The following SLC16A7 variants were observed in gnomAD, a reference collection of about 807,000 sequenced individuals.
The protein encoded by SLC16A7 is monocarboxylate transporter 2.
In SLC16A7, 33 loss-of-function variants were observed where a neutral mutation model predicts 34.9. The observed-to-expected ratio is 0.94, with a 90% CI of 0.72 to 1.26. The LOEUF (loss-of-function observed/expected upper bound fraction) is 1.26, where lower values mean the gene tolerates loss of function less well. SLC16A7 is among the 50% of genes most tolerant of loss of function. SLC16A7 has a pLI of 0.00. For synonymous variants in SLC16A7, 201 were observed against 206.6 expected, an observed-to-expected ratio of 0.97 and a Z score of 0.23; for missense variants, 573 against 578.1, an observed-to-expected ratio of 0.99 and a Z score of 0.09.
intron 3 of SLC16A7, among the ~76,000 whole-genome samples, chr12:59,758,637 A>T (rs949098955): frequency 6.6e-6 from 1 of 152,164 alleles, no homozygotes; most frequent in Non-Finnish European, 1.5e-5. Context: ...TTACCAGTTT[A>T]TATGTACATA....
intron 2 of SLC16A7, among the ~76,000 whole-genome samples, chr12:59,669,557 C>T (rs1046363383): frequency 6.6e-6 from 1 of 151,906 alleles, no homozygotes; most frequent in African/African-American, 2.4e-5. Flanking sequence ...ATTTAACCAT[C>T]AGAAAGTTTG....
rs3763979 is a variant in SLC16A7 at position 59,779,625 on chromosome 12, C to A, written c.1383C>A (p.Asn461Lys). The change falls in exon 6 of 6, where the codon AAC becomes AAA. Residue 461 changes from asparagine to lysine, a missense_variant. Asn to Lys is a moderately conservative substitution (Grantham distance 94). Coordinates refer to ENST00000547379, the MANE Select transcript of SLC16A7 (RefSeq NM_001270623.2). The part of the protein sequence containing the change: ...LSKSKHSEDV[N>K]VKVSNAQSVT... ...AATCTAAACATTCGGAAGATGTTAA[C>A]GTCAAAGTTTCAAATGCACAGAGTG... The A allele has an allele frequency of 2.2e-5, 35 of 1,610,680 alleles. No individual in the cohort carries two copies. In the African/African-American group the frequency reaches 3.7e-4, roughly 17 times the overall value.
At position 59,786,072 on chromosome 12, in the gene SLC16A7, T is replaced by C. The variant is rs1883599057; in HGVS notation, c.*6393T>C. 2.7e-5 allele frequency: 4 copies of C among 149,636 alleles called. No individual in the cohort carries two copies. Among genetic ancestry groups the C allele is most frequent in the Middle Eastern group, 3.4e-3 (1 of 294 alleles). 9.3% of individuals were successfully genotyped at this position (149,636 alleles called of 1,614,324 possible). ...AGGGGGGAGGGATAGCATTGGGAGATATACCTAATGCTAGGTGACGAGTTA... is the reference window on the plus strand; with the variant it reads ...AGGGGGGAGGGATAGCATTGGGAGACATACCTAATGCTAGGTGACGAGTTA... On this transcript the variant is annotated 3_prime_UTR_variant, in exon 6 of 6. Transcript: ENST00000547379.
chr12:59,636,002 TA>T (rs5798503), intron 1 of SLC16A7, among the ~76,000 whole-genome samples: 79,328 of 144,188 alleles, frequency 0.55, 22,206 homozygotes, highest in Admixed American at 0.65. Flanking sequence ...TGCACTTCTG[TA>T]AAAAAAAAAA....
intron 3 of SLC16A7, among the ~76,000 whole-genome samples, chr12:59,730,678 T>G (rs901480505): frequency 4.6e-5 from 7 of 152,188 alleles, no homozygotes; most frequent in Non-Finnish European, 2.9e-5. Context: ...TTTTTCTTTT[T>G]ATTTTCCTAG....
intron 3 of SLC16A7, among the ~76,000 whole-genome samples, chr12:59,737,655 C>A (rs559436695): frequency 6.6e-6 from 1 of 152,102 alleles, no homozygotes; most frequent in East Asian, 1.9e-4. Flanking sequence ...TTTGAAAAGA[C>A]TGGACTTTTG....
chr12:59,760,561 G>C (rs1880902189), intron 3 of SLC16A7, among the ~76,000 whole-genome samples: 1 of 152,064 alleles, frequency 6.6e-6, no homozygotes, highest in South Asian at 2.1e-4. Context: ...ATATACTTTA[G>C]TAAAAGTTAC....
At chr12:59,597,081 C>G (rs188648729) in intron 1 of SLC16A7, 11 of 152,410 alleles carry the variant, frequency 7.2e-5, no homozygotes, top group African/African-American at 1.4e-4. Flanking sequence ...ATCGCGGCGC[C>G]CTTCTCCACC....
chr12:59,686,517 C>T (rs1273982173), intron 2 of SLC16A7, among the ~76,000 whole-genome samples: 2 of 152,074 alleles, frequency 1.3e-5, no homozygotes, highest in African/African-American at 4.8e-5. Flanking sequence ...ATCACTTGGT[C>T]ATTTTACATT....
chr12:59,693,863 GA>G lies in SLC16A7; in HGVS notation c.-30-10901del, dbSNP rs1009244181. On this transcript the variant is annotated intron_variant, in intron 2 of 5. Transcript: ENST00000547379. Reference sequence around the variant, plus strand: ...TGGAATCAGCAACAAAAGCCCTAATGAAAAAAAATACTAGTTGTGGTAGCAA... The same window carrying G: ...TGGAATCAGCAACAAAAGCCCTAATGAAAAAAATACTAGTTGTGGTAGCAA... Among the ~76,000 whole-genome samples, 15 of 151,362 alleles carry G rather than the reference GA, an allele frequency of 9.9e-5. No individual in the cohort carries two copies. The East Asian group carries it at 2.3e-3, about 24-fold the overall frequency.
chr12:59,612,812 T>A (rs1879261088), intron 1 of SLC16A7, among the ~76,000 whole-genome samples: 1 of 152,206 alleles, frequency 6.6e-6, no homozygotes, highest in South Asian at 2.1e-4. Context: ...AAAAAGTTCC[T>A]CATCTCCATC....
chr12:59,766,006 C>A (rs1420407559), intron 3 of SLC16A7, among the ~76,000 whole-genome samples: 1 of 152,092 alleles, frequency 6.6e-6, no homozygotes, highest in Non-Finnish European at 1.5e-5. Context: ...TCTTTTATTT[C>A]CTTGAGCAGT....
At chr12:59,716,408 G>A (rs1284746010) in intron 3 of SLC16A7, among the ~76,000 whole-genome samples, 1 of 152,136 alleles carries the variant, frequency 6.6e-6, no homozygotes, top group East Asian at 1.9e-4. Context: ...CTGTAAATAG[G>A]ACTATGAGAG....
intron 3 of SLC16A7, among the ~76,000 whole-genome samples, chr12:59,769,729 T>C (rs1393654363): frequency 6.6e-6 from 1 of 152,102 alleles, no homozygotes; most frequent in Non-Finnish European, 1.5e-5. Context: ...CATTGATAAG[T>C]GAATCTCAAT....
intron 3 of SLC16A7, chr12:59,761,142 T>A (rs1880971871): frequency 7.8e-7 from 1 of 1,284,554 alleles, no homozygotes; most frequent in African/African-American, 1.5e-5. Context: ...ATTTGAAAGC[T>A]TTTTGATCTT....
At chr12:59,677,954 G>A (rs998195584) in intron 2 of SLC16A7, among the ~76,000 whole-genome samples, 2 of 152,184 alleles carry the variant, frequency 1.3e-5, no homozygotes, top group African/African-American at 4.8e-5. Flanking sequence ...GAGCCTGGTG[G>A]ACTCGTTCCA....
At chr12:59,660,045 G>T (rs189483541) in intron 2 of SLC16A7, among the ~76,000 whole-genome samples, 119 of 151,946 alleles carry the variant, frequency 7.8e-4, no homozygotes, top group South Asian at 8.3e-4. Context: ...GTGTTTTGTT[G>T]TCATTGTTGT....
intron 2 of SLC16A7, among the ~76,000 whole-genome samples, chr12:59,673,014 C>T (rs1473183618): frequency 6.6e-6 from 1 of 152,060 alleles, no homozygotes; most frequent in Non-Finnish European, 1.5e-5. Context: ...TTAACAAAGC[C>T]ATAGAATTCT....
At chr12:59,727,074 G>A (rs114468885) in intron 3 of SLC16A7, among the ~76,000 whole-genome samples, 4,548 of 150,908 alleles carry the variant, frequency 0.03, 160 homozygotes, top group African/African-American at 0.078. Context: ...AACACTGACT[G>A]GTGTTGGAGG....
Sources: allele counts gnomAD v4.1 joint callset (sites outside exome capture counted in the v4.1 genomes callset), GRCh38; gene constraint gnomAD v4.1.1; transcripts MANE v1.5; gene names NCBI Gene and HGNC (gene_info 2026-07-23, HGNC 2026-07-21).